FYN: variants seen among roughly 807,000 people sequenced by gnomAD.
FYN encodes FYN proto-oncogene, Src family tyrosine kinase, also known as tyrosine-protein kinase Fyn.
FYN carries 10 observed loss-of-function variants against 70.2 expected under a neutral mutation model. The observed-to-expected ratio is 0.14, with a 90% CI of 0.09 to 0.24. The LOEUF (loss-of-function observed/expected upper bound fraction) is 0.24, where lower values mean the gene tolerates loss of function less well. FYN is among the 10% of genes least tolerant of loss of function. The probability of loss-of-function intolerance (pLI) is 1.00; values close to 1 mark genes in which losing one functional copy is unlikely to be tolerated. For synonymous variants in FYN, 236 were observed against 248.6 expected (o/e 0.95, Z 0.48); for missense variants, 319 against 673.1 (o/e 0.47, Z 5.82).
At chr6:111,799,563 CTAA>C (rs2128519060) in intron 2 of FYN, among the ~76,000 whole-genome samples, 1 of 152,346 alleles carries the variant, frequency 6.6e-6, no homozygotes, top group South Asian at 2.1e-4. Flanking sequence ...ATACATACTA[CTAA>C]TTTCTGACAT....
intron 4 of FYN, 181 bp downstream of exon 4, chr6:111,719,624 T>C: frequency 1.4e-6 from 1 of 694,944 alleles, no homozygotes; most frequent in South Asian, 2.1e-5. Flanking sequence ...TAGCCAAGCA[T>C]TTTGTTTGTA....
chr6:111,842,377 C>A (rs1773388239), intron 2 of FYN, among the ~76,000 whole-genome samples: 1 of 152,184 alleles, frequency 6.6e-6, no homozygotes, highest in African/African-American at 2.4e-5. Flanking sequence ...CTGCAACCCG[C>A]CCATGCCCAC....
chr6:111,848,177 C>T (rs1773585269), intron 1 of FYN, among the ~76,000 whole-genome samples: 1 of 152,192 alleles, frequency 6.6e-6, no homozygotes, highest in African/African-American at 2.4e-5. Flanking sequence ...TATTCTTGAA[C>T]ACTTCTGCAG....
intron 2 of FYN, among the ~76,000 whole-genome samples, chr6:111,842,213 T>C (rs1232413277): frequency 6.6e-5 from 10 of 152,212 alleles, no homozygotes; most frequent in African/African-American, 9.7e-5. Context: ...AAATGAAGAA[T>C]GTAGGCCACT....
chr6:111,784,283 G>C (rs1433591573), intron 2 of FYN, among the ~76,000 whole-genome samples: 3 of 152,176 alleles, frequency 2.0e-5, no homozygotes, highest in Non-Finnish European at 1.5e-5. Flanking sequence ...AGGACTCCTT[G>C]ACTTGGGTTT....
At chr6:111,745,405 T>G (rs559484168) in intron 3 of FYN, among the ~76,000 whole-genome samples, 1 of 152,254 alleles carries the variant, frequency 6.6e-6, no homozygotes, top group African/African-American at 2.4e-5. Context: ...GATGGGCATC[T>G]GAGTGGGGCC....
chr6:111,839,803 C>A (rs1024232429), intron 2 of FYN, among the ~76,000 whole-genome samples: 5 of 152,078 alleles, frequency 3.3e-5, no homozygotes, highest in African/African-American at 1.2e-4. Context: ...GCTTGTATCA[C>A]CAGAGACAGC....
At chr6:111,702,839 C>T (rs777982703) in intron 8 of FYN, 46 bp downstream of exon 8, 1 of 1,593,474 alleles carries the variant, frequency 6.3e-7, no homozygotes, top group South Asian at 1.1e-5. Flanking sequence ...CCTATCCACT[C>T]CCTCCAGCAT....
intron 2 of FYN, among the ~76,000 whole-genome samples, chr6:111,830,880 G>A (rs981479352): frequency 1.3e-5 from 2 of 151,980 alleles, no homozygotes; most frequent in Admixed American, 6.6e-5. Flanking sequence ...GTCCTATGCA[G>A]AGAAGGTATA....
At chr6:111,708,125 C>A in intron 5 of FYN, 105 bp from the exon 6 acceptor site, 1 of 800,190 alleles carries the variant, frequency 1.2e-6, no homozygotes, top group South Asian at 1.5e-5. Context: ...CATCCTGCCA[C>A]CCGATTTCTC....
At chr6:111,820,508 T>C (rs1772624855) in intron 2 of FYN, among the ~76,000 whole-genome samples, 1 of 152,264 alleles carries the variant, frequency 6.6e-6, no homozygotes, top group Non-Finnish European at 1.5e-5. Flanking sequence ...AACTGTACCT[T>C]ATAAAAATTA....
chr6:111,806,756 C>T (rs192006843), intron 2 of FYN, among the ~76,000 whole-genome samples: 12 of 152,298 alleles, frequency 7.9e-5, no homozygotes. Context: ...GGCATGCTGA[C>T]TCAGTGGAAT....
intron 2 of FYN, among the ~76,000 whole-genome samples, chr6:111,785,668 T>C (rs1313566857): frequency 6.6e-6 from 1 of 151,856 alleles, no homozygotes; most frequent in Non-Finnish European, 1.5e-5. Flanking sequence ...TTTCTTTTTT[T>C]CTTTTTTTTT....
intron 12 of FYN, among the ~76,000 whole-genome samples, chr6:111,693,640 G>C (rs1224790609): frequency 6.6e-6 from 1 of 152,120 alleles, no homozygotes; most frequent in East Asian, 1.9e-4. Flanking sequence ...AGGGTGGGAT[G>C]GCGGGGATGA....
chr6:111,801,177 G>A (rs534256403), intron 2 of FYN, among the ~76,000 whole-genome samples: 1 of 152,268 alleles, frequency 6.6e-6, no homozygotes, highest in South Asian at 2.1e-4. Flanking sequence ...TGGCGATGCT[G>A]CAGGTGGCCA....
At chr6:111,680,657 C>G (rs1188855163) in intron 12 of FYN, among the ~76,000 whole-genome samples, 1 of 152,206 alleles carries the variant, frequency 6.6e-6, no homozygotes, top group East Asian at 1.9e-4. Context: ...GGGTGTCTAT[C>G]AGCAATTAGC....
intron 3 of FYN, among the ~76,000 whole-genome samples, chr6:111,743,497 C>T (rs573384417): frequency 2.0e-5 from 3 of 152,200 alleles, no homozygotes; most frequent in Non-Finnish European, 4.4e-5. Flanking sequence ...TCAACTGAGA[C>T]AGCTCACGTG....
intron 2 of FYN, among the ~76,000 whole-genome samples, chr6:111,820,964 T>C (rs1562533369): frequency 6.6e-6 from 1 of 152,100 alleles, no homozygotes; most frequent in Non-Finnish European, 1.5e-5. Flanking sequence ...TATCCAGGGG[T>C]TAACCATGAC....
chr6:111,816,409 G>A lies in FYN; in HGVS notation c.-82+30180C>T, dbSNP rs569100092. ...ATTTATACAATATCCTTTCAGTGAGGATTCAGTTCCCTGAAATAGACAACC... is the reference window on the plus strand; with the variant it reads ...ATTTATACAATATCCTTTCAGTGAGAATTCAGTTCCCTGAAATAGACAACC... On this transcript the variant is annotated intron_variant, in intron 2 of 13. Transcript: ENST00000354650. Among the ~76,000 whole-genome samples, 3 of 152,218 alleles carry A rather than the reference G, an allele frequency of 2.0e-5. No homozygotes were observed. In the East Asian group the frequency reaches 5.8e-4, roughly 29 times the overall value.
Sources: gnomAD v4.1 joint callset for allele counts (sites outside exome capture counted in the v4.1 genomes callset) on GRCh38, gnomAD v4.1.1 for gene constraint, MANE v1.5 for transcripts, NCBI Gene and HGNC (gene_info 2026-07-23, HGNC 2026-07-21) for gene names.